NSMF: variants seen among roughly 807,000 people sequenced by gnomAD.
NSMF encodes the protein nasal embryonic LHRH factor.
Under a neutral mutation model 71.0 loss-of-function variants are expected in NSMF, and 31 were observed. The ratio of observed to expected loss-of-function variants is 0.44; its 90% CI spans 0.33 to 0.59. NSMF has a LOEUF of 0.59. Ranked by LOEUF, NSMF falls within the 20% of genes least tolerant of loss-of-function variation. NSMF has a pLI of 0.04. For synonymous variants in NSMF, 345 were observed against 287.1 expected (o/e 1.20, Z -2.04); for missense variants, 673 against 740.5 (o/e 0.91, Z 1.06).
chr9:137,456,208 G>A (rs868812530), intron 4 of NSMF, among the ~76,000 whole-genome samples: 2 of 123,676 alleles, frequency 1.6e-5, no homozygotes, highest in African/African-American at 4.2e-5. Flanking sequence ...GTGTGTGTGT[G>A]GGGGGGGGGG....
intron 1 of NSMF, 22 bp from the exon 2 acceptor site, chr9:137,458,571 G>A (rs749944144): frequency 1.3e-5 from 20 of 1,580,448 alleles, no homozygotes; most frequent in Middle Eastern, 1.7e-4. Context: ...CAGAGGGCAC[G>A]GTCAGAGGCC....
rs776878675 is a variant in NSMF, at chr9:137,453,082, C to T, written c.1021G>A (p.Glu341Lys). ...KGLEAVACDT[E>K]GFVPPKVMLI... ...ATGACCTTTGGTGGCACGAAGCCTT[C>T]GGTGTCGCAGGCCACAGCCTCCAGG... Residue 341 changes from glutamate to lysine, a missense_variant, in exon 9 of 16, where the codon GAA becomes AAA. Physicochemically the swap from Glu to Lys is moderately conservative, Grantham distance 56. Coordinates refer to ENST00000371475, the MANE Select transcript of NSMF (RefSeq NM_001130969.3). The surrounding 1 kb of genome is among the most constrained non-coding windows in gnomAD (Gnocchi z 4.5). The T allele has an allele frequency of 6.3e-5, 101 of 1,612,486 alleles. No individual in the cohort carries two copies. In the South Asian group the frequency reaches 7.9e-4, roughly 13 times the overall value.
At chr9:137,449,879 G>T in intron 14 of NSMF, 44 bp downstream of exon 14, 1 of 1,517,016 alleles carries the variant, frequency 6.6e-7, no homozygotes, top group Non-Finnish European at 9.2e-7. Flanking sequence ...TGTCCACGTC[G>T]GGGGTTTCCA....
At position 137,449,445 on chromosome 9, in the gene NSMF, C is replaced by T. The variant is rs1839787526; in HGVS notation, c.1542G>A (p.Leu514=). The change falls in exon 16 of 16, where the codon CTG becomes CTA. Residue 514 remains leucine (L), a synonymous_variant. Coordinates refer to ENST00000371475, the MANE Select transcript of NSMF (RefSeq NM_001130969.3). The part of the protein sequence containing the change: ...ETYFDFRLYR[L]WKSRQHSKLL... ...GCTTCGAGTGCTGGCGGCTCTTCCA[C>T]AGGCGATACAACCGGAAGTCAAAGT... 1.2e-6 allele frequency: 2 copies of T among 1,612,952 alleles called. No individual in the cohort carries two copies. The highest frequency in any genetic ancestry group is 8.5e-7 in the Non-Finnish European group (1 of 1,179,944).
In NSMF at chr9:137,448,916, C is replaced by A. The variant is rs1328206375; in HGVS notation, c.*478G>T. On this transcript the variant is annotated 3_prime_UTR_variant, in exon 16 of 16. Transcript: ENST00000371475. This position sits in a 1 kb window ranked among gnomAD's most constrained non-coding sequence, Gnocchi z 5.3. ...CACGGGCCACCCTGGTGCTGGTGAT[C>A]GATACGGCAGGGAGGGGGTGGGCAG... 1 of 246,654 alleles carries A rather than the reference C, an allele frequency of 4.1e-6. No homozygotes were observed. The highest frequency in any genetic ancestry group is 8.0e-6 in the Non-Finnish European group (1 of 125,738). 15.3% of individuals were successfully genotyped at this position (246,654 alleles called of 1,614,324 possible).
intron 2 of NSMF, 100 bp from the exon 3 acceptor site, chr9:137,458,001 C>G (rs1588511197): frequency 6.6e-7 from 1 of 1,505,908 alleles, no homozygotes; most frequent in East Asian, 2.5e-5. Flanking sequence ...GGCACCTGGC[C>G]TCTGTGGGGG....
chr9:137,455,473 C>T, intron 5 of NSMF, 156 bp downstream of exon 5: 1 of 1,152,688 alleles, frequency 8.7e-7, no homozygotes, highest in African/African-American at 1.5e-5. Flanking sequence ...CCAGCAGGCC[C>T]TGCTGCGACC....
intron 2 of NSMF, 60 bp downstream of exon 2, chr9:137,458,428 A>G: frequency 7.0e-7 from 1 of 1,424,472 alleles, no homozygotes; most frequent in Non-Finnish European, 9.6e-7. Flanking sequence ...GGAGGCAGGG[A>G]TCAGCATCCC....
chr9:137,453,893 G>T lies in NSMF; in HGVS notation c.833-73C>A. ...GGGAGTCTCAGACCCCAGGCGAGGG[G>T]ACCACAGGGGCCCTGGGCAGAGGAG... On this transcript the variant is annotated intron_variant, in intron 7 of 15. Transcript: ENST00000371475. The surrounding 1 kb of genome is among the most constrained non-coding windows in gnomAD (Gnocchi z 4.5). 1.6e-6 allele frequency: 2 copies of T among 1,277,868 alleles called. No homozygotes were observed. Among genetic ancestry groups the T allele is most frequent in the South Asian group, 1.3e-5 (1 of 78,688 alleles). 79.2% of individuals were successfully genotyped at this position (1,277,868 alleles called of 1,614,324 possible). A position where few individuals can be genotyped will look rare whatever the true frequency, so the allele number is the denominator to read the frequency against.
chr9:137,458,449 G>A lies in NSMF; in HGVS notation c.133+39C>T, dbSNP rs201013139. 1.1e-3 allele frequency: 1,747 copies of A among 1,531,132 alleles called. 2 individuals are homozygous for A. Among genetic ancestry groups the A allele is most frequent in the Non-Finnish European group, 1.5e-3 (1,654 of 1,134,768 alleles). The allele number at this position is 1,531,132 out of a possible 1,614,324, so 94.8% of individuals were successfully genotyped here. ...AGGGATCAGCATCCCTTGGGCTGGG[G>A]GGTCTGGGCGGCCCTGGCACGGCCT... On this transcript the variant is annotated intron_variant, in intron 2 of 15. Coordinates refer to ENST00000371475, the MANE Select transcript of NSMF (RefSeq NM_001130969.3).
rs1353326844 is a variant in NSMF at position 137,452,361 on chromosome 9, C to T, written c.1236+4G>A. The T allele has an allele frequency of 1.9e-6, 3 of 1,611,758 alleles. No individual in the cohort carries two copies. The highest frequency in any genetic ancestry group is 1.7e-6 in the Non-Finnish European group (2 of 1,179,704). ...CTGGTCAGGAGACGAGCACTGAGCCCCACCTGGCAGAAAATCAGCATTTTC... is the reference window on the plus strand; with the variant it reads ...CTGGTCAGGAGACGAGCACTGAGCCTCACCTGGCAGAAAATCAGCATTTTC... On this transcript the variant is annotated splice_donor_region_variant and intron_variant, in intron 12 of 15. Coordinates refer to ENST00000371475, the MANE Select transcript of NSMF (RefSeq NM_001130969.3).
At chr9:137,457,933 G>A (rs1485595099) in intron 2 of NSMF, 32 bp from the exon 3 acceptor site, 9 of 1,536,858 alleles carry the variant, frequency 5.9e-6, no homozygotes, top group East Asian at 2.4e-5. Context: ...CCTGCCTGCC[G>A]CGTGTGGGCC....
chr9:137,448,768 T>G lies in NSMF; in HGVS notation c.*626A>C, dbSNP rs1588488492. ...GGTCTAAGTAAGCAGGGATGGGGGG[T>G]GGCAAGAGGAGTGTAAGTGAAAGCA... On this transcript the variant is annotated 3_prime_UTR_variant, in exon 16 of 16. Transcript: ENST00000371475. The surrounding 1 kb of genome is among the most constrained non-coding windows in gnomAD (Gnocchi z 5.3). 1 of 154,936 alleles carries G rather than the reference T, an allele frequency of 6.5e-6. No homozygotes were observed. Among genetic ancestry groups the G allele is most frequent in the Admixed American group, 6.3e-5 (1 of 15,952 alleles). 9.6% of individuals were successfully genotyped at this position (154,936 alleles called of 1,614,324 possible).
rs1439910247 is a variant in NSMF, at chr9:137,453,970, G to A, written c.833-150C>T. 6 of 678,044 alleles carry A rather than the reference G, an allele frequency of 8.8e-6. No individual in the cohort carries two copies. Among genetic ancestry groups the A allele is most frequent in the African/African-American group, 5.4e-5 (3 of 55,858 alleles). 42.0% of individuals were successfully genotyped at this position (678,044 alleles called of 1,614,324 possible). ...CACATGAAGCAGACACGGACCAGAGGCTCGGTTGGTTCAGGGGCAGGATCT... is the reference window on the plus strand; with the variant it reads ...CACATGAAGCAGACACGGACCAGAGACTCGGTTGGTTCAGGGGCAGGATCT... On this transcript the variant is annotated intron_variant, in intron 7 of 15. Coordinates refer to ENST00000371475, the MANE Select transcript of NSMF (RefSeq NM_001130969.3). This position sits in a 1 kb window ranked among gnomAD's most constrained non-coding sequence, Gnocchi z 4.5.
chr9:137,452,313 C>A, intron 12 of NSMF, 52 bp downstream of exon 12: 1 of 1,581,662 alleles, frequency 6.3e-7, no homozygotes, highest in East Asian at 2.2e-5. Flanking sequence ...TTGGTCTTCC[C>A]CTGCCCCACC....
At chr9:137,458,980 C>T (rs1588514931) in intron 1 of NSMF, 52 bp downstream of exon 1, 1 of 1,235,754 alleles carries the variant, frequency 8.1e-7, no homozygotes, top group Non-Finnish European at 1.0e-6. Context: ...CGGACTCGGG[C>T]GGGGTCGGAG....
chr9:137,454,288 T>C (rs1554753720), intron 7 of NSMF, 103 bp downstream of exon 7: 1 of 1,137,418 alleles, frequency 8.8e-7, no homozygotes, highest in Non-Finnish European at 1.3e-6. Context: ...AGGGCCCGAT[T>C]GGGGTTGGGG....
chr9:137,449,826 A>G, intron 14 of NSMF, 97 bp downstream of exon 14: 1 of 1,341,264 alleles, frequency 7.5e-7, no homozygotes, highest in Non-Finnish European at 1.1e-6. Flanking sequence ...TGCCCGGGGG[A>G]AGGAAAAAAA....
At chr9:137,451,189 A>C (rs1196988483) in intron 12 of NSMF, among the ~76,000 whole-genome samples, 1 of 2,568 alleles carries the variant, frequency 3.9e-4, no homozygotes, top group Non-Finnish European at 7.4e-4. Context: ...GGTCTTCCCC[A>C]CCACACGCCT....
Sources: gnomAD v4.1 joint callset for allele counts (sites outside exome capture counted in the v4.1 genomes callset) on GRCh38, gnomAD v4.1.1 for gene constraint, Gnocchi (gnomAD v3.1) non-coding constraint, MANE v1.5 for transcripts, NCBI Gene and HGNC (gene_info 2026-07-23, HGNC 2026-07-21) for gene names.